The following CMIP variants were observed in gnomAD, a reference collection of about 807,000 sequenced individuals.
CMIP encodes C-Maf-inducing protein.
CMIP carries 13 observed loss-of-function variants against 97.3 expected under a neutral mutation model. The observed-to-expected ratio is 0.13, with a 90% CI of 0.09 to 0.21. CMIP has a LOEUF of 0.21. Among genes scored for constraint, CMIP ranks in the 10% least tolerant of loss-of-function variants. The pLI is 1.00. For synonymous variants in CMIP, 538 were observed against 436.3 expected, an observed-to-expected ratio of 1.23 and a Z score of -2.91; for missense variants, 847 against 1,024.9, an observed-to-expected ratio of 0.83 and a Z score of 2.37.
intron 1 of CMIP, among the ~76,000 whole-genome samples, chr16:81,602,470 CACGCTTTTA>C (rs2091673422): frequency 6.6e-6 from 1 of 152,218 alleles, no homozygotes; most frequent in African/African-American, 2.4e-5. Context: ...CAGTAAGAGT[CACGCTTTTA>C]GCGTGCAGAT....
At chr16:81,586,011 A>G (rs2091376202) in intron 1 of CMIP, among the ~76,000 whole-genome samples, 2 of 152,040 alleles carry the variant, frequency 1.3e-5, no homozygotes, top group South Asian at 4.1e-4. Flanking sequence ...GGTCCAGGGA[A>G]CAAACGCATG....
chr16:81,456,320 G>A (rs913574240), intron 1 of CMIP, among the ~76,000 whole-genome samples: 8 of 152,290 alleles, frequency 5.3e-5, no homozygotes, highest in South Asian at 2.1e-4. Context: ...CATCAGCCCC[G>A]TGAGGCGTTA....
At chr16:81,464,557 T>A (rs1341520792) in intron 1 of CMIP, 3 of 152,216 alleles carry the variant, frequency 2.0e-5, no homozygotes, top group African/African-American at 7.2e-5. Context: ...TCTGAGGTTT[T>A]AAAAAAATTT....
At chr16:81,667,287 C>T (rs2092614364) in intron 7 of CMIP, 1 of 152,154 alleles carries the variant, frequency 6.6e-6, no homozygotes, top group African/African-American at 2.4e-5. Flanking sequence ...GGAAGCGGTT[C>T]TTTAGTATGT....
chr16:81,500,244 T>TTCCTTCCTTCCG (rs1242864876), intron 1 of CMIP, among the ~76,000 whole-genome samples: 2 of 148,252 alleles, frequency 1.3e-5, no homozygotes, highest in Non-Finnish European at 3.0e-5. Flanking sequence ...CAAAATTTCC[T>TTCCTTCCTTCCG]TCCTTCCTTC....
chr16:81,644,296 G>A (rs891827075), intron 3 of CMIP, among the ~76,000 whole-genome samples: 1 of 152,168 alleles, frequency 6.6e-6, no homozygotes, highest in African/African-American at 2.4e-5. Context: ...TCCTTCCCTG[G>A]AAAATTGTAG....
At chr16:81,709,303 A>G (rs1009226082) in intron 20 of CMIP, among the ~76,000 whole-genome samples, 2 of 152,194 alleles carry the variant, frequency 1.3e-5, no homozygotes. Flanking sequence ...CATAGGGCAT[A>G]TACGGTGCCC....
chr16:81,617,574 T>A (rs551155289), intron 2 of CMIP: 1 of 152,440 alleles, frequency 6.6e-6, no homozygotes, highest in East Asian at 1.9e-4. Context: ...GGACGGTCTG[T>A]GTTGGGTTTC....
chr16:81,693,045 C>A, intron 11 of CMIP, 113 bp from the exon 12 acceptor site: 1 of 759,430 alleles, frequency 1.3e-6, no homozygotes, highest in South Asian at 1.7e-5. Flanking sequence ...CATTCCTCTT[C>A]ATTCTTTGAA....
At chr16:81,689,293 A>G (rs1192233719) in intron 10 of CMIP, among the ~76,000 whole-genome samples, 3 of 152,104 alleles carry the variant, frequency 2.0e-5, no homozygotes, top group Admixed American at 6.5e-5. Flanking sequence ...AAGTGTTCCT[A>G]TTTCTCCACA....
intron 1 of CMIP, among the ~76,000 whole-genome samples, chr16:81,522,177 C>T (rs1397705493): frequency 3.3e-5 from 5 of 152,168 alleles, no homozygotes; most frequent in Non-Finnish European, 4.4e-5. Context: ...GTGGCAACAC[C>T]GATTCGCCCA....
At position 81,563,715 on chromosome 16, in the gene CMIP, G is replaced by A. The variant is rs997378486; in HGVS notation, c.301-43852G>A. Among the ~76,000 whole-genome samples the A allele has an allele frequency of 4.6e-5, 7 of 152,290 alleles. No individual in the cohort carries two copies. In the East Asian group the frequency reaches 5.8e-4, roughly 13 times the overall value. The stretch of plus-strand genomic sequence containing the variant: ...ATCATGAGCTGTGCAATCTTGGGCC[G>A]TCTCTCCTAGACTCTTAGCTATTAT... On this transcript the variant is annotated intron_variant, in intron 1 of 20. Transcript: ENST00000537098.
rs568122738 is a variant in CMIP, at chr16:81,607,786, A to G, written c.426+94A>G. On this transcript the variant is annotated intron_variant, in intron 2 of 20. Transcript: ENST00000537098. ...CCTTGGAGGGAGCCAGCAGCTATCA[A>G]GAGGAAAGGTTGTTTAACTTTGGGT... 11 of 1,366,186 alleles carry G rather than the reference A, an allele frequency of 8.1e-6. No individual in the cohort carries two copies. In the East Asian group the frequency reaches 2.3e-4, roughly 29 times the overall value. The allele number at this position is 1,366,186 out of a possible 1,614,324, so 84.6% of individuals were successfully genotyped here. A position where few individuals can be genotyped will look rare whatever the true frequency, so the allele number is the denominator to read the frequency against.
intron 1 of CMIP, among the ~76,000 whole-genome samples, chr16:81,599,166 A>C (rs2091616077): frequency 6.6e-6 from 1 of 151,884 alleles, no homozygotes. Flanking sequence ...TGCCCACAAC[A>C]CCAAGGGCAC....
chr16:81,696,248 G>C, intron 13 of CMIP: 1 of 454,978 alleles, frequency 2.2e-6, no homozygotes, highest in Non-Finnish European at 4.0e-6. Context: ...CGGTTGCTCT[G>C]GGCATCTCTA....
Position 81,456,303 on chromosome 16 carries a change from G to A in CMIP, c.300+10762G>A, listed in dbSNP as rs543612396. Among the ~76,000 whole-genome samples, 4 of 152,276 alleles carry A rather than the reference G, an allele frequency of 2.6e-5. No homozygotes were observed. In the East Asian group the frequency reaches 5.8e-4, roughly 22 times the overall value. On this transcript the variant is annotated intron_variant, in intron 1 of 20. Coordinates refer to ENST00000537098, the MANE Select transcript of CMIP (RefSeq NM_198390.3). ...AGACCTTTAGGCGTGTGCGCATTTC[G>A]TCCTCTCATCAGCCCCGTGAGGCGT... is the stretch of plus-strand genomic sequence containing the variant.
chr16:81,548,383 C>G (rs2090589739), intron 1 of CMIP, among the ~76,000 whole-genome samples: 1 of 152,092 alleles, frequency 6.6e-6, no homozygotes, highest in African/African-American at 2.4e-5. Flanking sequence ...GTCCTCTTGT[C>G]TCACCTGCCT....
At chr16:81,479,011 G>A (rs1328603664) in intron 1 of CMIP, among the ~76,000 whole-genome samples, 1 of 152,212 alleles carries the variant, frequency 6.6e-6, no homozygotes, top group Admixed American at 6.5e-5. Context: ...TTTGCTGGAC[G>A]CCTAGGAGAA....
intron 1 of CMIP, among the ~76,000 whole-genome samples, chr16:81,549,739 G>A (rs892872978): frequency 1.3e-5 from 2 of 152,222 alleles, no homozygotes; most frequent in African/African-American, 4.8e-5. Flanking sequence ...CGAGCCCAGA[G>A]CAGGGCCTGG....
Sources: gnomAD v4.1 joint callset for allele counts (sites outside exome capture counted in the v4.1 genomes callset) on GRCh38, gnomAD v4.1.1 for gene constraint, MANE v1.5 for transcripts, NCBI Gene and HGNC (gene_info 2026-07-23, HGNC 2026-07-21) for gene names.